The following REPS2 variants were observed in gnomAD, a reference collection of about 807,000 sequenced individuals.
REPS2 encodes RALBP1 associated Eps domain containing 2.
Under a neutral mutation model 53.6 loss-of-function variants are expected in REPS2, and 23 were observed. The ratio of observed to expected loss-of-function variants is 0.43; its 90% CI spans 0.31 to 0.61. The LOEUF is 0.61. Ranked by LOEUF, REPS2 falls within the 20% of genes least tolerant of loss-of-function variation. The pLI, the probability that REPS2 is intolerant of heterozygous loss-of-function variation, is 0.11. For missense variants in REPS2, 446 were observed against 534.9 expected (o/e 0.83, Z 1.64); for synonymous variants, 238 against 218.6 (o/e 1.09, Z -0.78).
At chrX:17,050,125 T>TCTTC (rs1305561013) in intron 6 of REPS2, among the ~76,000 whole-genome samples, 2 of 69,997 alleles carry the variant, frequency 2.9e-5, no homozygotes, top group African/African-American at 1.0e-4. Context: ...GTTTCTTCTT[T>TCTTC]CTTTCTTCCT....
At chrX:17,001,758 C>T (rs2061310212) in intron 1 of REPS2, among the ~76,000 whole-genome samples, 1 of 112,067 alleles carries the variant, frequency 8.9e-6, no homozygotes, top group Non-Finnish European at 1.9e-5. Context: ...TACAGTTCCA[C>T]ATGCCTGGGG....
intron 1 of REPS2, among the ~76,000 whole-genome samples, chrX:16,966,889 TG>T (rs1406004548): frequency 8.9e-6 from 1 of 112,520 alleles, no homozygotes; most frequent in Admixed American, 9.4e-5. Flanking sequence ...TAAACATTCT[TG>T]ACAGTTTTTG....
the REPS2 span, among the ~76,000 whole-genome samples, chrX:17,188,051 G>A: frequency 9.0e-6 from 1 of 111,651 alleles, no homozygotes; most frequent in Non-Finnish European, 1.9e-5. Context: ...TTTCTTCTTG[G>A]TTACTTCCCA....
intron 1 of REPS2, among the ~76,000 whole-genome samples, chrX:16,964,952 C>A (rs1206247923): frequency 3.8e-4 from 29 of 77,292 alleles, no homozygotes; most frequent in South Asian, 7.1e-4. Flanking sequence ...GGCGGCTGGC[C>A]GGGCAGAGTG....
intron 14 of REPS2, among the ~76,000 whole-genome samples, chrX:17,120,868 G>T (rs977410698): frequency 1.8e-5 from 2 of 111,709 alleles, no homozygotes; most frequent in South Asian, 3.8e-4. Context: ...CTTTTCCATC[G>T]GGGAACATGA....
In REPS2 at chrX:17,052,464, A is replaced by G; in HGVS notation, c.971+19A>G. On this transcript the variant is annotated intron_variant, in intron 7 of 17. Transcript: ENST00000357277. Reference sequence around the variant, plus strand: ...ATATATGGTAAGTACAATTAATGCCATATGACATTCATACCATCATCCATA... The same window carrying G: ...ATATATGGTAAGTACAATTAATGCCGTATGACATTCATACCATCATCCATA... 1.8e-6 allele frequency: 2 copies of G among 1,128,109 alleles called. No individual in the cohort carries two copies. Among genetic ancestry groups the G allele is most frequent in the African/African-American group, 3.6e-5 (2 of 56,004 alleles). 93.0% of individuals were successfully genotyped at this position (1,128,109 alleles called of 1,213,427 possible).
chrX:17,138,742 C>A, intron 16 of REPS2, 114 bp from the exon 17 acceptor site: 1 of 376,701 alleles, frequency 2.7e-6, no homozygotes, highest in Non-Finnish European at 4.5e-6. Context: ...ATTTTTGGAG[C>A]CCTGTGTTGT....
At position 17,025,093 on chromosome X, in the gene REPS2, C is replaced by T; in HGVS notation, c.581C>T (p.Ala194Val). 8.3e-7 allele frequency: 1 copy of T among 1,211,514 alleles called. No homozygotes were observed. The highest frequency in any genetic ancestry group is 3.0e-5 in the East Asian group (1 of 33,842). Reference sequence around the variant, plus strand: ...CAGTCTCCCACGATGTCACCCCTCGCCTCCCCTCCTTCTTCCCCGCCTCAT... The same window carrying T: ...CAGTCTCCCACGATGTCACCCCTCGTCTCCCCTCCTTCTTCCCCGCCTCAT... ...ETQSPTMSPL[A>V]SPPSSPPHYQ... Residue 194 changes from alanine to valine, a missense_variant, in exon 4 of 18, where the codon GCC becomes GTC. Transcript: ENST00000357277.
intron 1 of REPS2, among the ~76,000 whole-genome samples, chrX:16,985,201 T>C (rs1349313916): frequency 8.9e-6 from 1 of 112,134 alleles, no homozygotes; most frequent in East Asian, 2.8e-4. Flanking sequence ...AACTATACTT[T>C]TGTTTATTAC....
intron 1 of REPS2, among the ~76,000 whole-genome samples, chrX:16,975,470 ATGT>A (rs780613113): frequency 9.0e-6 from 1 of 110,828 alleles, no homozygotes; most frequent in Non-Finnish European, 1.9e-5. Flanking sequence ...ATGATCAGTG[ATGT>A]TGTGGTTTTT....
Position 16,946,846 on chromosome X carries a change from C to T in REPS2, c.-16C>T. 1.3e-6 allele frequency: 1 copy of T among 758,094 alleles called. No homozygotes were observed. The highest frequency in any genetic ancestry group is 6.5e-5 in the South Asian group (1 of 15,284). 62.5% of individuals were successfully genotyped at this position (758,094 alleles called of 1,213,427 possible). ...CAGCTAGGGACAGGGCTCCGCCGCGCCCCCTTGCTGGCCCCATGGAGGCGG... is the reference window on the plus strand; with the variant it reads ...CAGCTAGGGACAGGGCTCCGCCGCGTCCCCTTGCTGGCCCCATGGAGGCGG... On this transcript the variant is annotated 5_prime_UTR_variant, in exon 1 of 18. Coordinates refer to ENST00000357277, the MANE Select transcript of REPS2 (RefSeq NM_004726.3).
chrX:17,029,579 G>A lies in REPS2; in HGVS notation c.727G>A (p.Gly243Ser), dbSNP rs1569136178. The A allele has an allele frequency of 8.3e-7, 1 of 1,210,934 alleles. No homozygotes were observed. The highest frequency in any genetic ancestry group is 1.1e-6 in the Non-Finnish European group (1 of 894,809). ...LVQPEGSSSG[G>S]PGTKPLRHQA... Reference sequence around the variant, plus strand: ...CCAGCCCGAGGGATCCTCATCAGGGGGCCCAGGAACCAAGCCCCTTCGGCA... The same window carrying A: ...CCAGCCCGAGGGATCCTCATCAGGGAGCCCAGGAACCAAGCCCCTTCGGCA... The change falls in exon 5 of 18, where the codon GGC becomes AGC. Residue 243 changes from glycine to serine, a missense_variant. Gly to Ser is a moderately conservative substitution (Grantham distance 56). Coordinates refer to ENST00000357277, the MANE Select transcript of REPS2 (RefSeq NM_004726.3).
intron 1 of REPS2, among the ~76,000 whole-genome samples, chrX:16,960,222 C>G: frequency 9.1e-6 from 1 of 110,309 alleles, no homozygotes. Flanking sequence ...AAAAAATGAG[C>G]TGGGCATAGT....
the REPS2 span, among the ~76,000 whole-genome samples, chrX:17,179,403 C>T: frequency 9.0e-6 from 1 of 111,441 alleles, no homozygotes; most frequent in Non-Finnish European, 1.9e-5. Context: ...GCCTAAGCAG[C>T]CTGTGGAGTG....
the REPS2 span, among the ~76,000 whole-genome samples, chrX:17,187,473 C>T: frequency 3.8e-4 from 43 of 112,095 alleles, 1 homozygote; most frequent in East Asian, 0.011. Context: ...AGCTTTATTT[C>T]GGGCAAATTA....
At chrX:17,086,277 C>A (rs2062534638) in intron 13 of REPS2, among the ~76,000 whole-genome samples, 1 of 111,998 alleles carries the variant, frequency 8.9e-6, no homozygotes, top group South Asian at 3.7e-4. Flanking sequence ...CTTACTGCAC[C>A]ACATTAAGAG....
chrX:17,114,241 A>G (rs1339626614), intron 14 of REPS2, among the ~76,000 whole-genome samples: 4 of 112,237 alleles, frequency 3.6e-5, no homozygotes, highest in African/African-American at 1.3e-4. Flanking sequence ...TGAGATTCTT[A>G]GCTGCTTAGT....
intron 1 of REPS2, among the ~76,000 whole-genome samples, chrX:16,949,769 T>A (rs2060485003): frequency 9.0e-6 from 1 of 111,216 alleles, no homozygotes; most frequent in Admixed American, 9.6e-5. Flanking sequence ...CACAGCAAAA[T>A]TTAGCAGAGT....
chrX:17,165,613 A>G, the REPS2 span, among the ~76,000 whole-genome samples: 1 of 111,570 alleles, frequency 9.0e-6, no homozygotes, highest in Admixed American at 9.5e-5. Context: ...TGTGCTTTTG[A>G]ACAGACTCTG....
Sources: allele counts gnomAD v4.1 joint callset (sites outside exome capture counted in the v4.1 genomes callset), GRCh38; gene constraint gnomAD v4.1.1; transcripts MANE v1.5; gene names NCBI Gene and HGNC (gene_info 2026-07-23, HGNC 2026-07-21).